Variants in CDYL observed in about 807,000 individuals in gnomAD.
CDYL encodes the protein chromodomain Y-like protein.
Under a neutral mutation model 47.3 loss-of-function variants are expected in CDYL, and 8 were observed. The ratio of observed to expected loss-of-function variants is 0.17; its 90% CI spans 0.10 to 0.31. CDYL has a LOEUF of 0.31. Among genes scored for constraint, CDYL ranks in the 10% least tolerant of loss-of-function variants. CDYL has a pLI of 1.00. For missense variants in CDYL, 471 were observed against 701.4 expected, an observed-to-expected ratio of 0.67 and a Z score of 3.71; for synonymous variants, 266 against 265.0, an observed-to-expected ratio of 1.00 and a Z score of -0.04.
intron 1 of CDYL, among the ~76,000 whole-genome samples, chr6:4,798,366 G>A (rs1400361076): frequency 2.0e-5 from 3 of 152,144 alleles, no homozygotes; most frequent in South Asian, 2.1e-4. Context: ...CACTAGTAAT[G>A]ACATTTTAGC....
In CDYL at chr6:4,755,687, G is replaced by A. The variant is rs374782605; in HGVS notation, c.186+20843G>A. 1.5e-4 allele frequency among the ~76,000 whole-genome samples: 23 copies of A among 152,086 alleles called. No homozygotes were observed. In the East Asian group the frequency reaches 1.7e-3, roughly 11 times the overall value. On this transcript the variant is annotated intron_variant, in intron 3 of 8. Transcript: ENST00000328908. ...TCAATTATATACTACATACTACAAC[G>A]GCTGCTTTAAAAACAAATCTCACTT...
chr6:4,735,250 G>A (rs773044086), intron 3 of CDYL, among the ~76,000 whole-genome samples: 14 of 150,486 alleles, frequency 9.3e-5, no homozygotes, highest in Admixed American at 8.0e-4. Flanking sequence ...TCATTACATC[G>A]TTGCACTCTA....
intron 1 of CDYL, among the ~76,000 whole-genome samples, chr6:4,806,071 C>T (rs910234587): frequency 1.3e-5 from 2 of 152,220 alleles, no homozygotes; most frequent in African/African-American, 2.4e-5. Context: ...CCGCAGGGAG[C>T]GGGTGTACAT....
In CDYL at chr6:4,904,195, A is replaced by G. The variant is rs565006574; in HGVS notation, c.691+11816A>G. ...AAGGGCAGATGCCAGACTATTGTTAAGAAGATTATACTAAACTGATCCTTG... is the reference window on the plus strand; with the variant it reads ...AAGGGCAGATGCCAGACTATTGTTAGGAAGATTATACTAAACTGATCCTTG... On this transcript the variant is annotated intron_variant, in intron 2 of 6. Transcript: ENST00000397588. Among the ~76,000 whole-genome samples, 248 of 152,338 alleles carry G rather than the reference A, an allele frequency of 1.6e-3. 1 individual carries two copies. Among genetic ancestry groups the G allele is most frequent in the African/African-American group, 5.9e-3 (245 of 41,588 alleles).
intron 1 of CDYL, among the ~76,000 whole-genome samples, chr6:4,826,207 G>A (rs529081945): frequency 6.6e-6 from 1 of 152,182 alleles, no homozygotes; most frequent in African/African-American, 2.4e-5. Context: ...TTGATTCAAT[G>A]GTCCTCACCT....
intron 1 of CDYL, among the ~76,000 whole-genome samples, chr6:4,843,502 GCTTTTT>G (rs1265959093): frequency 2.4e-4 from 36 of 147,106 alleles, no homozygotes; most frequent in Non-Finnish European, 4.2e-4. Flanking sequence ...CTTCTCAGAG[GCTTTTT>G]CTTTTTTTTT....
chr6:4,849,934 A>AAGGGGGGGGG (rs1760774618), intron 1 of CDYL, among the ~76,000 whole-genome samples: 1 of 95,420 alleles, frequency 1.0e-5, no homozygotes, highest in African/African-American at 4.1e-5. Context: ...ATTGGGGGGA[A>AAGGGGGGGGG]AGGGTGGGGA....
intron 1 of CDYL, among the ~76,000 whole-genome samples, chr6:4,782,260 C>T (rs1717415817): frequency 6.6e-6 from 1 of 152,130 alleles, no homozygotes; most frequent in Admixed American, 6.5e-5. Flanking sequence ...GTTTGTCCAC[C>T]AGAATGTAAG....
chr6:4,729,068 T>G (rs1561827705), intron 2 of CDYL, among the ~76,000 whole-genome samples: 1 of 152,152 alleles, frequency 6.6e-6, no homozygotes, highest in Non-Finnish European at 1.5e-5. Flanking sequence ...ATTTAATGTC[T>G]TCTCTCTGCC....
chr6:4,895,139 ATATGTATC>A (rs1456909201), intron 2 of CDYL, among the ~76,000 whole-genome samples: 1 of 47,520 alleles, frequency 2.1e-5, no homozygotes, highest in Non-Finnish European at 1.0e-4. Flanking sequence ...GCATGTGTGT[ATATGTATC>A]TATACACATA....
At chr6:4,849,044 G>T (rs2127462490) in intron 1 of CDYL, among the ~76,000 whole-genome samples, 1 of 152,322 alleles carries the variant, frequency 6.6e-6, no homozygotes, top group East Asian at 1.9e-4. Context: ...TTGTAGAGCT[G>T]ATACTTTTTT....
chr6:4,939,918 CT>C (rs1758313372), intron 4 of CDYL, among the ~76,000 whole-genome samples: 1 of 152,198 alleles, frequency 6.6e-6, no homozygotes, highest in East Asian at 1.9e-4. Context: ...CAGCCAGTGC[CT>C]TCTGGGTCCT....
At chr6:4,913,410 G>A (rs1757467712) in intron 2 of CDYL, among the ~76,000 whole-genome samples, 1 of 152,196 alleles carries the variant, frequency 6.6e-6, no homozygotes, top group South Asian at 2.1e-4. Flanking sequence ...AAAGTGTGTG[G>A]CAGTGGCAAT....
At position 4,758,431 on chromosome 6, in the gene CDYL, C is replaced by T. The variant is rs978045034; in HGVS notation, c.186+23587C>T. Among the ~76,000 whole-genome samples the T allele has an allele frequency of 2.0e-5, 3 of 150,642 alleles. 1 individual carries two copies. In the Admixed American group the frequency reaches 2.0e-4, roughly 10 times the overall value. Reference sequence around the variant, plus strand: ...ATCCCAGCACTTTGGGAGGCAGAGACGGGTGGATCACTTGAGGTCAGGAAT... The same window carrying T: ...ATCCCAGCACTTTGGGAGGCAGAGATGGGTGGATCACTTGAGGTCAGGAAT... On this transcript the variant is annotated intron_variant, in intron 3 of 8. Coordinates refer to the CDYL transcript ENST00000328908.
intron 5 of CDYL, among the ~76,000 whole-genome samples, chr6:4,948,241 C>T (rs1456702117): frequency 2.6e-5 from 4 of 152,020 alleles, no homozygotes; most frequent in South Asian, 2.1e-4. Flanking sequence ...TGTGTGGTGT[C>T]GGTGCAGATG....
chr6:4,830,050 C>A (rs954687300), intron 1 of CDYL, among the ~76,000 whole-genome samples: 4 of 152,202 alleles, frequency 2.6e-5, no homozygotes, highest in African/African-American at 4.8e-5. Flanking sequence ...GGAAATGTTT[C>A]TGTATGAGAA....
chr6:4,921,114 G>A (rs1278641560), intron 2 of CDYL, among the ~76,000 whole-genome samples: 1 of 152,182 alleles, frequency 6.6e-6, no homozygotes, highest in Non-Finnish European at 1.5e-5. Context: ...GGCAAGAAGG[G>A]AAGGTCAGTT....
At chr6:4,711,637 C>A (rs1757154554) in intron 1 of CDYL, among the ~76,000 whole-genome samples, 1 of 152,096 alleles carries the variant, frequency 6.6e-6, no homozygotes, top group Non-Finnish European at 1.5e-5. Flanking sequence ...GAGGACATTT[C>A]TGGACTTATT....
intron 2 of CDYL, among the ~76,000 whole-genome samples, chr6:4,730,698 AAAG>A (rs1582289750): frequency 6.9e-6 from 1 of 145,508 alleles, no homozygotes; most frequent in African/African-American, 2.6e-5. Context: ...AAAAAAAAAA[AAAG>A]AACATACCTC....
Sources: gnomAD v4.1 joint callset for allele counts (sites outside exome capture counted in the v4.1 genomes callset) on GRCh38, gnomAD v4.1.1 for gene constraint, MANE v1.5 for transcripts, NCBI Gene and HGNC (gene_info 2026-07-23, HGNC 2026-07-21) for gene names.